The following ATP11A variants were observed in gnomAD, a reference collection of about 807,000 sequenced individuals.
ATP11A encodes ATPase phospholipid transporting 11A.
A neutral mutation model predicts 154.4 loss-of-function variants in ATP11A; 81 were observed. The observed-to-expected ratio is 0.52, with a 90% CI of 0.44 to 0.63. ATP11A has a LOEUF of 0.63. Among genes scored for constraint, ATP11A ranks in the 30% least tolerant of loss-of-function variants. The probability of loss-of-function intolerance (pLI) is 0.00; values close to 1 mark genes in which losing one functional copy is unlikely to be tolerated. For missense variants in ATP11A, 1,316 were observed against 1,474.3 expected (o/e 0.89, Z 1.76); for synonymous variants, 623 against 585.9 (o/e 1.06, Z -0.91).
At chr13:112,779,446 G>A (rs180858252) in intron 1 of ATP11A, among the ~76,000 whole-genome samples, 17 of 152,056 alleles carry the variant, frequency 1.1e-4, no homozygotes, top group African/African-American at 3.6e-4. Context: ...AGGAGTAGCC[G>A]CTGTGCTTCA....
intron 1 of ATP11A, among the ~76,000 whole-genome samples, chr13:112,773,209 TG>T (rs1373845570): frequency 1.3e-5 from 2 of 152,146 alleles, no homozygotes; most frequent in African/African-American, 4.8e-5. Flanking sequence ...CCTCCTGCCC[TG>T]CCCTGCCCTG....
chr13:112,781,228 T>C (rs2077491338), intron 1 of ATP11A, among the ~76,000 whole-genome samples: 2 of 151,442 alleles, frequency 1.3e-5, no homozygotes, highest in Non-Finnish European at 1.5e-5. Context: ...TCAGTAGAGA[T>C]GGAGTTTCAC....
At chr13:112,813,088 G>A (rs974275387) in intron 5 of ATP11A, among the ~76,000 whole-genome samples, 1 of 152,220 alleles carries the variant, frequency 6.6e-6, no homozygotes, top group Non-Finnish European at 1.5e-5. Flanking sequence ...AGGCTACTCA[G>A]GACGAGAAAG....
At chr13:112,800,388 G>A (rs2078102416) in intron 2 of ATP11A, among the ~76,000 whole-genome samples, 1 of 152,042 alleles carries the variant, frequency 6.6e-6, no homozygotes, top group African/African-American at 2.4e-5. Flanking sequence ...CATAAACTTG[G>A]TAACTTAGAT....
intron 7 of ATP11A, among the ~76,000 whole-genome samples, 175 bp from the exon 8 acceptor site, chr13:112,819,725 A>G (rs900876765): frequency 2.6e-5 from 4 of 152,242 alleles, no homozygotes; most frequent in Admixed American, 6.5e-5. Flanking sequence ...CGAAGCCATG[A>G]GCTGATCAGA....
chr13:112,881,019 T>G, intron 29 of ATP11A: 6 of 990,090 alleles, frequency 6.1e-6, no homozygotes, highest in Non-Finnish European at 7.2e-6. Context: ...ATTGCATGGT[T>G]TGTGTGGAAC....
At chr13:112,743,535 C>T (rs1475400702) in intron 1 of ATP11A, among the ~76,000 whole-genome samples, 2 of 151,696 alleles carry the variant, frequency 1.3e-5, no homozygotes, top group Admixed American at 1.3e-4. Context: ...TAGGTTCCTG[C>T]TACAGTGTGA....
At chr13:112,765,180 C>G (rs547817442) in intron 1 of ATP11A, among the ~76,000 whole-genome samples, 1 of 147,938 alleles carries the variant, frequency 6.8e-6, no homozygotes, top group East Asian at 2.0e-4. Flanking sequence ...GGAAGCTTCT[C>G]CCCCTGGGTC....
chr13:112,811,161 A>AACACACAC (rs10695491), intron 5 of ATP11A, among the ~76,000 whole-genome samples: 12,651 of 115,426 alleles, frequency 0.11, 1,032 homozygotes, highest in African/African-American at 0.12. Flanking sequence ...TGCCCCTTCC[A>AACACACAC]ACACACACAC....
intron 29 of ATP11A, chr13:112,880,864 T>C: frequency 2.8e-6 from 3 of 1,062,048 alleles, no homozygotes; most frequent in Non-Finnish European, 3.4e-6. Flanking sequence ...CACACACGTG[T>C]GCACACTCAC....
At chr13:112,852,782 T>TGGGGG (rs147822357) in intron 18 of ATP11A, among the ~76,000 whole-genome samples, 1 of 126,332 alleles carries the variant, frequency 7.9e-6, no homozygotes. Context: ...AATGCCTGGT[T>TGGGGG]GGCGGGGGGG....
intron 17 of ATP11A, among the ~76,000 whole-genome samples, chr13:112,847,310 C>T (rs1159435293): frequency 6.6e-6 from 1 of 152,234 alleles, no homozygotes; most frequent in Non-Finnish European, 1.5e-5. Flanking sequence ...TGCTTGCTGT[C>T]ATATCGAAGA....
Position 112,738,790 on chromosome 13 carries a change from T to C in ATP11A, c.40-46345T>C, listed in dbSNP as rs964124014. ...GCTCACTGTGGGATGACTGTTCCCATAGAGGCTGTTTCTCCTGCCCCGCCC... is the reference window on the plus strand; with the variant it reads ...GCTCACTGTGGGATGACTGTTCCCACAGAGGCTGTTTCTCCTGCCCCGCCC... On this transcript the variant is annotated intron_variant, in intron 1 of 29. Coordinates refer to ENST00000375645, the MANE Select transcript of ATP11A (RefSeq NM_015205.3). 1.0e-3 allele frequency among the ~76,000 whole-genome samples: 152 copies of C among 146,240 alleles called. 3 individuals carry two copies. Among genetic ancestry groups the C allele is most frequent in the Admixed American group, 0.01 (147 of 14,586 alleles).
chr13:112,880,425 C>T lies in ATP11A; in HGVS notation c.*10-1451C>T, dbSNP rs1317040807. 7 of 882,324 alleles carry T rather than the reference C, an allele frequency of 7.9e-6. No individual in the cohort carries two copies. The East Asian group carries it at 3.8e-4, about 48-fold the overall frequency. 54.7% of individuals were successfully genotyped at this position (882,324 alleles called of 1,614,324 possible). On this transcript the variant is annotated intron_variant, in intron 29 of 29. Coordinates refer to ENST00000375645, the MANE Select transcript of ATP11A (RefSeq NM_015205.3). ...GCAGCTCCATGACACCCCATGCAGA[C>T]TCCAACAGGGGCTTCGAGCCTCTTC...
At chr13:112,806,026 C>T (rs1161506912) in intron 3 of ATP11A, among the ~76,000 whole-genome samples, 187 bp from the exon 4 acceptor site, 1 of 151,894 alleles carries the variant, frequency 6.6e-6, no homozygotes, top group Non-Finnish European at 1.5e-5. Flanking sequence ...AAAAAGGTGC[C>T]CTCATTTTAA....
intron 12 of ATP11A, among the ~76,000 whole-genome samples, chr13:112,831,150 T>G (rs956756560): frequency 1.3e-5 from 2 of 152,098 alleles, no homozygotes; most frequent in Non-Finnish European, 2.9e-5. Context: ...CCTCCTGAAT[T>G]GCACCTGCCA....
chr13:112,804,411 C>T (rs747359344), intron 2 of ATP11A, among the ~76,000 whole-genome samples: 4 of 4,786 alleles, frequency 8.4e-4, no homozygotes, highest in African/African-American at 1.8e-3. Context: ...CCTCCTTCCC[C>T]TCCTTTTCCT....
In ATP11A at chr13:112,690,101, G is replaced by C. The variant is rs935757147; in HGVS notation, c.-316G>C. ...GCAGAGCGCAGGCTCCGCCGCGGCC[G>C]GGGTGCTCCAGCCGAGCCCAACCGA... On this transcript the variant is annotated 5_prime_UTR_variant, in exon 1 of 30. Coordinates refer to ENST00000375645, the MANE Select transcript of ATP11A (RefSeq NM_015205.3). The surrounding 1 kb of genome is among the most constrained non-coding windows in gnomAD (Gnocchi z 5.6). Among the ~76,000 whole-genome samples the C allele has an allele frequency of 6.7e-5, 10 of 148,550 alleles. No homozygotes were observed. The highest frequency in any genetic ancestry group is 7.5e-5 in the Non-Finnish European group (5 of 66,528).
At chr13:112,793,303 G>T (rs1292468974) in intron 2 of ATP11A, among the ~76,000 whole-genome samples, 1 of 152,190 alleles carries the variant, frequency 6.6e-6, no homozygotes, top group Non-Finnish European at 1.5e-5. Context: ...CCGGGTTTAA[G>T]TGATTCTCCT....
Sources: allele counts gnomAD v4.1 joint callset (sites outside exome capture counted in the v4.1 genomes callset), GRCh38; gene constraint gnomAD v4.1.1; non-coding constraint Gnocchi (gnomAD v3.1); transcripts MANE v1.5; gene names NCBI Gene and HGNC (gene_info 2026-07-23, HGNC 2026-07-21).